CORIN: variants seen among roughly 807,000 people sequenced by gnomAD.
CORIN encodes atrial natriuretic peptide-converting enzyme.
CORIN carries 117 observed loss-of-function variants against 125.3 expected under a neutral mutation model. The observed-to-expected ratio is 0.93, with a 90% CI of 0.80 to 1.09. The LOEUF (loss-of-function observed/expected upper bound fraction) is 1.09. Among genes scored for constraint, CORIN ranks in the 50% least tolerant of loss-of-function variants. CORIN has a pLI of 0.00. For missense variants in CORIN, 1,253 were observed against 1,306.7 expected, an observed-to-expected ratio of 0.96 and a Z score of 0.63; for synonymous variants, 450 against 466.4, an observed-to-expected ratio of 0.96 and a Z score of 0.45.
intron 3 of CORIN, among the ~76,000 whole-genome samples, chr4:47,766,143 C>G (rs1729725524): frequency 6.6e-6 from 1 of 152,106 alleles, no homozygotes; most frequent in South Asian, 2.1e-4. Context: ...GTTTACGAAC[C>G]ACTTCTACCC....
chr4:47,828,766 C>T (rs985508340), intron 1 of CORIN, among the ~76,000 whole-genome samples: 2 of 151,954 alleles, frequency 1.3e-5, no homozygotes, highest in Admixed American at 6.6e-5. Context: ...TCTCTCATAC[C>T]GCAGACATTT....
chr4:47,642,895 T>C, intron 15 of CORIN: 1 of 1,480,560 alleles, frequency 6.8e-7, no homozygotes, highest in Non-Finnish European at 8.9e-7. Context: ...AGCAATTATA[T>C]GATTACAACA....
intron 5 of CORIN, among the ~76,000 whole-genome samples, chr4:47,693,913 G>A (rs988240731): frequency 6.6e-6 from 1 of 152,172 alleles, no homozygotes; most frequent in African/African-American, 2.4e-5. Flanking sequence ...ATTTGGTAAT[G>A]TGCATCAAAT....
Position 47,773,503 on chromosome 4 carries a change from A to G in CORIN, c.410-9917T>C, listed in dbSNP as rs536102377. Reference sequence around the variant, plus strand: ...AGCTGGGTATTGTGGTCCTTAATGTATTTGTAAAAGGCTCATTTAAATAAC... The same window carrying G: ...AGCTGGGTATTGTGGTCCTTAATGTGTTTGTAAAAGGCTCATTTAAATAAC... On this transcript the variant is annotated intron_variant, in intron 3 of 21. Coordinates refer to ENST00000273857, the MANE Select transcript of CORIN (RefSeq NM_006587.4). Among the ~76,000 whole-genome samples the G allele has an allele frequency of 2.1e-3, 325 of 152,306 alleles. 1 individual carries two copies. Among genetic ancestry groups the G allele is most frequent in the African/African-American group, 7.4e-3 (306 of 41,566 alleles).
chr4:47,669,620 G>C (rs1462906634), intron 10 of CORIN, among the ~76,000 whole-genome samples: 1 of 150,542 alleles, frequency 6.6e-6, no homozygotes, highest in African/African-American at 2.5e-5. Context: ...CCAGGCTGGA[G>C]TGCAGTGGCA....
chr4:47,727,952 C>T (rs917620889), intron 5 of CORIN, among the ~76,000 whole-genome samples: 2 of 152,120 alleles, frequency 1.3e-5, no homozygotes, highest in African/African-American at 2.4e-5. Context: ...TGGAAGACCA[C>T]ATATCTAAAA....
intron 16 of CORIN, among the ~76,000 whole-genome samples, chr4:47,629,592 CCTAT>C (rs748780331): frequency 6.3e-4 from 96 of 152,242 alleles, no homozygotes; most frequent in Middle Eastern, 6.8e-3. Context: ...TTGTCTTCTT[CCTAT>C]CTTAGATGCA....
At chr4:47,696,449 T>C (rs115052926) in intron 5 of CORIN, among the ~76,000 whole-genome samples, 2,083 of 152,200 alleles carry the variant, frequency 0.014, 52 homozygotes, top group African/African-American at 0.047. Context: ...TCTGGTAATA[T>C]AGCAGAGAAG....
intron 4 of CORIN, among the ~76,000 whole-genome samples, chr4:47,746,744 G>C (rs1728685092): frequency 6.6e-6 from 1 of 152,072 alleles, no homozygotes; most frequent in Non-Finnish European, 1.5e-5. Context: ...ATGTTGGCCA[G>C]GCTGGTCTCA....
chr4:47,796,073 TAAA>T (rs1189481012), intron 2 of CORIN, among the ~76,000 whole-genome samples: 1 of 151,874 alleles, frequency 6.6e-6, no homozygotes, highest in Non-Finnish European at 1.5e-5. Context: ...TCAAAAAAAT[TAAA>T]AATAGAACTA....
intron 5 of CORIN, among the ~76,000 whole-genome samples, chr4:47,712,571 C>T (rs1726899856): frequency 6.6e-6 from 1 of 152,220 alleles, no homozygotes; most frequent in Admixed American, 6.5e-5. Context: ...GAGTGAGCCA[C>T]TGCACCCGGC....
intron 6 of CORIN, among the ~76,000 whole-genome samples, chr4:47,690,840 C>T (rs1421423259): frequency 1.3e-5 from 2 of 152,184 alleles, no homozygotes; most frequent in East Asian, 1.9e-4. Context: ...TGCTGAAACA[C>T]CACAAGCATT....
At chr4:47,656,541 A>G (rs1392789029) in intron 12 of CORIN, among the ~76,000 whole-genome samples, 1 of 152,230 alleles carries the variant, frequency 6.6e-6, no homozygotes, top group Non-Finnish European at 1.5e-5. Flanking sequence ...GACAAAAATC[A>G]TATGATCATT....
intron 5 of CORIN, among the ~76,000 whole-genome samples, chr4:47,716,827 CTT>C (rs930284315): frequency 9.9e-5 from 15 of 152,016 alleles, no homozygotes; most frequent in African/African-American, 2.7e-4. Context: ...AATGTTGACA[CTT>C]TATAAATATT....
intron 3 of CORIN, among the ~76,000 whole-genome samples, chr4:47,785,914 A>C (rs1385901587): frequency 4.0e-5 from 6 of 151,282 alleles, no homozygotes; most frequent in Admixed American, 6.6e-5. Context: ...CATCTCAAAA[A>C]AAAAAAAAAA....
intron 3 of CORIN, among the ~76,000 whole-genome samples, chr4:47,783,149 A>T (rs1436411342): frequency 4.6e-5 from 7 of 152,038 alleles, no homozygotes; most frequent in Non-Finnish European, 1.0e-4. Context: ...GGTTGGCAAA[A>T]GTTTCCCCTT....
In CORIN at chr4:47,680,309, T is replaced by C. The variant is rs1725214659; in HGVS notation, c.1022-58A>G. 4 of 1,221,698 alleles carry C rather than the reference T, an allele frequency of 3.3e-6. No individual in the cohort carries two copies. In the East Asian group the frequency reaches 9.6e-5, roughly 29 times the overall value. The allele number at this position is 1,221,698 out of a possible 1,614,324, so 75.7% of individuals were successfully genotyped here. ...AACCAGCATGACTAACAGGCAGGATTCTATGGCTCCCAGTTCCCATCGAAG... is the reference window on the plus strand; with the variant it reads ...AACCAGCATGACTAACAGGCAGGATCCTATGGCTCCCAGTTCCCATCGAAG... On this transcript the variant is annotated intron_variant, in intron 7 of 21. Coordinates refer to ENST00000273857, the MANE Select transcript of CORIN (RefSeq NM_006587.4).
chr4:47,674,369 G>T, intron 10 of CORIN, 24 bp downstream of exon 10: 1 of 1,459,680 alleles, frequency 6.9e-7, no homozygotes, highest in Non-Finnish European at 9.6e-7. Context: ...CATGGCTATT[G>T]CATTTGTCAG....
chr4:47,777,873 C>T (rs1243787799), intron 3 of CORIN, among the ~76,000 whole-genome samples: 4 of 152,184 alleles, frequency 2.6e-5, no homozygotes, highest in Non-Finnish European at 5.9e-5. Flanking sequence ...TTGCTCTCAA[C>T]ACAAAATTAT....
Sources: allele counts gnomAD v4.1 joint callset (sites outside exome capture counted in the v4.1 genomes callset), GRCh38; gene constraint gnomAD v4.1.1; transcripts MANE v1.5; gene names NCBI Gene and HGNC (gene_info 2026-07-23, HGNC 2026-07-21).